The following BUD13 variants were observed in gnomAD, a reference collection of about 807,000 sequenced individuals.
BUD13 encodes BUD13 spliceosome associated protein.
In BUD13, 47 loss-of-function variants were observed where a neutral mutation model predicts 62.5. The observed-to-expected ratio is 0.75, with a 90% CI of 0.60 to 0.96. BUD13 has a LOEUF of 0.96. Ranked by LOEUF, BUD13 falls within the 40% of genes least tolerant of loss-of-function variation. BUD13 has a pLI of 0.00. For synonymous variants in BUD13, 293 were observed against 280.1 expected (o/e 1.05, Z -0.46); for missense variants, 821 against 790.9 (o/e 1.04, Z -0.46).
At position 116,772,950 on chromosome 11, in the gene BUD13, C is replaced by G; in HGVS notation, c.15G>C (p.Pro5=). ...TCAGATACTCGGCCTTGGAAAGCGG[C>G]GGAGCTGCCGCCATGGCAGCGGCGG... The part of the protein sequence containing the change: MAAA[P]PLSKAEYLKR... The change falls in exon 1 of 10, where the codon CCG becomes CCC. Residue 5 remains proline, a synonymous_variant. Coordinates refer to ENST00000260210, the MANE Select transcript of BUD13 (RefSeq NM_032725.4). 1 of 1,561,624 alleles carries G rather than the reference C, an allele frequency of 6.4e-7. No homozygotes were observed. Among genetic ancestry groups the G allele is most frequent in the South Asian group, 1.2e-5 (1 of 86,660 alleles).
intron 6 of BUD13, 54 bp downstream of exon 6, chr11:116,759,020 A>AG (rs1318287706): frequency 2.8e-5 from 30 of 1,083,116 alleles, no homozygotes; most frequent in Non-Finnish European, 3.6e-5. Context: ...AGCTAAATTA[A>AG]AAAAAAAAAA....
At chr11:116,766,488 G>A (rs748049486) in intron 2 of BUD13, among the ~76,000 whole-genome samples, 2 of 152,158 alleles carry the variant, frequency 1.3e-5, no homozygotes, top group Admixed American at 1.3e-4. Context: ...CTCACTGAGC[G>A]TTAAAAGCAC....
chr11:116,753,612 AT>A (rs1940278555), intron 9 of BUD13, among the ~76,000 whole-genome samples: 1 of 152,238 alleles, frequency 6.6e-6, no homozygotes, highest in South Asian at 2.1e-4. Context: ...AAACAGGAAA[AT>A]GTAATACACA....
intron 2 of BUD13, among the ~76,000 whole-genome samples, chr11:116,767,975 AAATAATAATAATAATAATAAT>A (rs57099961): frequency 0.033 from 4,775 of 143,664 alleles, 220 homozygotes; most frequent in African/African-American, 0.098. Context: ...CCTGTCTCAA[AAATAATAATAATAATAATAAT>A]AATAATAATA....
chr11:116,749,158 C>T (rs760006071), intron 9 of BUD13, among the ~76,000 whole-genome samples: 15 of 152,150 alleles, frequency 9.9e-5, no homozygotes, highest in Non-Finnish European at 1.9e-4. Context: ...AAGCCTGGTT[C>T]TCTCTCAGCT....
At chr11:116,769,113 C>G (rs1940580896) in intron 2 of BUD13, among the ~76,000 whole-genome samples, 1 of 152,010 alleles carries the variant, frequency 6.6e-6, no homozygotes, top group Admixed American at 6.6e-5. Flanking sequence ...CTATCTACAG[C>G]TCTCCTTTCC....
Position 116,763,269 on chromosome 11 carries a change from A to G in BUD13, c.323-3T>C, listed in dbSNP as rs1301508140. On this transcript the variant is annotated splice_region_variant and splice_polypyrimidine_tract_variant and intron_variant, in intron 3 of 9. Transcript: ENST00000260210. ...TGAGGGTAGGTCTTCGTTGTGGCCT[A>G]AACACAAATAACAAAGAGTCAGATT... The G allele has an allele frequency of 2.0e-6, 3 of 1,524,020 alleles. No individual in the cohort carries two copies. Among genetic ancestry groups the G allele is most frequent in the Non-Finnish European group, 2.6e-6 (3 of 1,136,868 alleles). 94.4% of individuals were successfully genotyped at this position (1,524,020 alleles called of 1,614,324 possible).
chr11:116,751,001 T>G (rs1940222302), intron 9 of BUD13, among the ~76,000 whole-genome samples: 1 of 152,218 alleles, frequency 6.6e-6, no homozygotes, highest in South Asian at 2.1e-4. Flanking sequence ...CCTTTCCTTC[T>G]TATCTTGGCT....
In BUD13 at chr11:116,769,845, A is replaced by G. The variant is rs113074210; in HGVS notation, c.237+284T>C. Reference sequence around the variant, plus strand: ...GGTGGGTGGATCACCTGAGGTCATGAGTTCAAGACCAGCCTGGCCAACATG... The same window carrying G: ...GGTGGGTGGATCACCTGAGGTCATGGGTTCAAGACCAGCCTGGCCAACATG... On this transcript the variant is annotated intron_variant, in intron 2 of 9. Coordinates refer to ENST00000260210, the MANE Select transcript of BUD13 (RefSeq NM_032725.4). 3.5e-4 allele frequency among the ~76,000 whole-genome samples: 54 copies of G among 152,208 alleles called. 1 individual carries two copies. Among genetic ancestry groups the G allele is most frequent in the African/African-American group, 1.2e-3 (51 of 41,526 alleles).
intron 2 of BUD13, among the ~76,000 whole-genome samples, chr11:116,768,018 AGTG>A (rs1342597405): frequency 6.8e-6 from 1 of 146,564 alleles, no homozygotes; most frequent in African/African-American, 2.5e-5. Context: ...TAATAATAAT[AGTG>A]CTCTAATATT....
chr11:116,771,408 A>G (rs1025773360), intron 1 of BUD13, among the ~76,000 whole-genome samples: 1 of 152,194 alleles, frequency 6.6e-6, no homozygotes, highest in African/African-American at 2.4e-5. Context: ...TGTTACGTGG[A>G]TAAACTATAT....
intron 9 of BUD13, among the ~76,000 whole-genome samples, chr11:116,754,726 C>T (rs1482548016): frequency 6.6e-6 from 1 of 152,144 alleles, no homozygotes; most frequent in Non-Finnish European, 1.5e-5. Context: ...AACATCTGCA[C>T]TGAAGTGCTA....
chr11:116,764,389 G>GA (rs1940492272), intron 3 of BUD13, among the ~76,000 whole-genome samples: 1 of 152,134 alleles, frequency 6.6e-6, no homozygotes, highest in Non-Finnish European at 1.5e-5. Flanking sequence ...TGTCTGTGGG[G>GA]GGCCTAACAG....
intron 9 of BUD13, among the ~76,000 whole-genome samples, chr11:116,755,815 A>C (rs2134173653): frequency 6.6e-6 from 1 of 151,692 alleles, no homozygotes; most frequent in African/African-American, 2.4e-5. Flanking sequence ...TTTTTGAATG[A>C]ATAAATACTT....
chr11:116,762,490 A>C (rs1203502909), intron 4 of BUD13, 63 bp downstream of exon 4: 2 of 1,350,382 alleles, frequency 1.5e-6, no homozygotes, highest in African/African-American at 1.5e-5. Flanking sequence ...TAAATCAACT[A>C]AACGGCCAAA....
Position 116,757,772 on chromosome 11 carries a change from T to A in BUD13, c.1678A>T (p.Lys560Ter). The A allele has an allele frequency of 6.2e-7, 1 of 1,606,310 alleles. No individual in the cohort carries two copies. The highest frequency in any genetic ancestry group is 8.5e-7 in the Non-Finnish European group (1 of 1,177,970). The change falls in exon 8 of 10, where the codon AAA becomes TAA. Residue 560 changes from lysine (K) to a stop codon, truncating the protein, a stop_gained. Coordinates refer to ENST00000260210, the MANE Select transcript of BUD13 (RefSeq NM_032725.4). LOFTEE classifies it high-confidence loss of function. Reference sequence around the variant, plus strand: ...TGATTCCCAGAAGTCCCACCTTTTTTATTCTTGTTCTCCTTGGCCTTATTC... The same window carrying A: ...TGATTCCCAGAAGTCCCACCTTTTTAATTCTTGTTCTCCTTGGCCTTATTC... ...KKNKAKENKN[K>*]KVRPRYSGPA... is the part of the protein sequence containing the mutation.
intron 7 of BUD13, 139 bp downstream of exon 7, chr11:116,758,130 A>T: frequency 7.0e-7 from 1 of 1,426,642 alleles, no homozygotes; most frequent in Non-Finnish European, 9.5e-7. Context: ...ATATCCTAGG[A>T]AGAAGATTCA....
Position 116,757,202 on chromosome 11 carries a change from T to TGCTG in BUD13, c.1706_1709dup (p.Pro571SerfsTer8). The TGCTG allele has an allele frequency of 6.2e-7, 1 of 1,614,152 alleles. No individual in the cohort carries two copies. The highest frequency in any genetic ancestry group is 2.2e-5 in the East Asian group (1 of 44,884). The stretch of plus-strand genomic sequence containing the variant: ...AGATATTAAATCTGTTGGGAGGAGG[T>TGCTG]GCTGGACCACTGTAGCGAGGTCTCA... On this transcript the variant is annotated frameshift_variant, in exon 9 of 10. Coordinates refer to ENST00000260210, the MANE Select transcript of BUD13 (RefSeq NM_032725.4). LOFTEE classifies it high-confidence loss of function.
At chr11:116,761,607 A>C (rs1239479321) in intron 4 of BUD13, among the ~76,000 whole-genome samples, 1 of 152,204 alleles carries the variant, frequency 6.6e-6, no homozygotes, top group Non-Finnish European at 1.5e-5. Context: ...CCACCCATGG[A>C]AAGACAAAAT....
Sources: gnomAD v4.1 joint callset for allele counts (sites outside exome capture counted in the v4.1 genomes callset) on GRCh38, gnomAD v4.1.1 for gene constraint, MANE v1.5 for transcripts, NCBI Gene and HGNC (gene_info 2026-07-23, HGNC 2026-07-21) for gene names.